Variants in NDUFAF2 observed in about 807,000 individuals in gnomAD.
NDUFAF2 encodes the protein NADH:ubiquinone oxidoreductase complex assembly factor 2, also known as NADH dehydrogenase [ubiquinone] 1 alpha subcomplex assembly factor 2.
Under a neutral mutation model 22.8 loss-of-function variants are expected in NDUFAF2, and 13 were observed. The observed-to-expected ratio is 0.57, with a 90% CI of 0.37 to 0.91. The LOEUF is 0.91. Among genes scored for constraint, NDUFAF2 ranks in the 40% least tolerant of loss-of-function variants. The pLI is 0.01. For missense variants in NDUFAF2, 162 were observed against 195.2 expected, an observed-to-expected ratio of 0.83 and a Z score of 1.01; for synonymous variants, 53 against 64.2, an observed-to-expected ratio of 0.83 and a Z score of 0.84.
intron 1 of NDUFAF2, among the ~76,000 whole-genome samples, chr5:60,986,256 A>G (rs545481999): frequency 6.6e-6 from 1 of 152,340 alleles, no homozygotes; most frequent in African/African-American, 2.4e-5. Context: ...GTGTCCATCA[A>G]GAGATGACTG....
intron 1 of NDUFAF2, among the ~76,000 whole-genome samples, chr5:61,023,066 T>G (rs1337947524): frequency 5.3e-5 from 8 of 152,192 alleles, no homozygotes; most frequent in Non-Finnish European, 8.8e-5. Context: ...GGCTCATCAG[T>G]TTTGGAAAAT....
chr5:61,047,169 A>T (rs997328238), intron 1 of NDUFAF2, among the ~76,000 whole-genome samples: 2 of 152,122 alleles, frequency 1.3e-5, no homozygotes, highest in African/African-American at 4.8e-5. Context: ...CTACTTTCCC[A>T]TCCCGAGAGT....
chr5:60,957,119 T>C (rs1750626868), intron 1 of NDUFAF2, among the ~76,000 whole-genome samples: 1 of 152,128 alleles, frequency 6.6e-6, no homozygotes, highest in East Asian at 1.9e-4. Context: ...TTTTACCTTT[T>C]GTTCTAACTT....
intron 1 of NDUFAF2, among the ~76,000 whole-genome samples, chr5:60,954,458 T>C (rs999390692): frequency 5.3e-5 from 8 of 152,204 alleles, no homozygotes; most frequent in Non-Finnish European, 8.8e-5. Context: ...TTTGCAAATG[T>C]TGAGTTTTTC....
At chr5:61,110,633 A>G (rs1752828396) in intron 3 of NDUFAF2, among the ~76,000 whole-genome samples, 1 of 151,928 alleles carries the variant, frequency 6.6e-6, no homozygotes, top group Non-Finnish European at 1.5e-5. Flanking sequence ...TAGCCTTCTT[A>G]TGATCTTTTG....
intron 1 of NDUFAF2, among the ~76,000 whole-genome samples, chr5:60,953,762 G>A (rs1399833320): frequency 6.6e-6 from 1 of 152,106 alleles, no homozygotes; most frequent in Non-Finnish European, 1.5e-5. Flanking sequence ...GTAGGCTTTG[G>A]TAAATGTTTT....
chr5:61,051,802 G>A (rs1194929403), intron 1 of NDUFAF2, among the ~76,000 whole-genome samples: 1 of 152,110 alleles, frequency 6.6e-6, no homozygotes, highest in South Asian at 2.1e-4. Flanking sequence ...AAGGAGGAAT[G>A]TAAAGTCAGG....
At chr5:60,965,691 G>T (rs956998543) in intron 1 of NDUFAF2, among the ~76,000 whole-genome samples, 2 of 152,018 alleles carry the variant, frequency 1.3e-5, no homozygotes, top group Non-Finnish European at 2.9e-5. Context: ...GTCATAAATG[G>T]CAGATTTCCC....
intron 3 of NDUFAF2, among the ~76,000 whole-genome samples, chr5:61,117,201 C>T (rs533339193): frequency 1.3e-5 from 2 of 152,246 alleles, no homozygotes; most frequent in South Asian, 4.1e-4. Flanking sequence ...GCAGAGCCTG[C>T]TTTGTAACTG....
chr5:61,112,108 A>G (rs1054414375), intron 3 of NDUFAF2, among the ~76,000 whole-genome samples: 1 of 151,750 alleles, frequency 6.6e-6, no homozygotes, highest in African/African-American at 2.4e-5. Context: ...TAATATTTGC[A>G]TTATATATGT....
chr5:61,025,611 C>T (rs991351284), intron 1 of NDUFAF2, among the ~76,000 whole-genome samples: 1 of 151,838 alleles, frequency 6.6e-6, no homozygotes, highest in African/African-American at 2.4e-5. Context: ...GGAATGCCTG[C>T]TCTGTTTTGA....
intron 1 of NDUFAF2, among the ~76,000 whole-genome samples, chr5:60,951,577 C>T (rs1750549435): frequency 2.0e-5 from 3 of 152,172 alleles, no homozygotes; most frequent in African/African-American, 7.2e-5. Context: ...GATGCATTAT[C>T]CTTTTTATAT....
intron 1 of NDUFAF2, among the ~76,000 whole-genome samples, chr5:60,971,287 T>C (rs1255188195): frequency 4.1e-5 from 1 of 24,368 alleles, no homozygotes; most frequent in African/African-American, 1.0e-4. Flanking sequence ...TCTTTCTTTC[T>C]TTTTTTTTTT....
chr5:61,056,919 AATAT>A (rs1174310851), intron 1 of NDUFAF2, among the ~76,000 whole-genome samples: 61 of 28,806 alleles, frequency 2.1e-3, no homozygotes, highest in African/African-American at 5.7e-3. Context: ...AAAAAAAAAA[AATAT>A]ATATATATAT....
At chr5:61,149,954 G>GA (rs1741203755) in intron 3 of NDUFAF2, among the ~76,000 whole-genome samples, 1 of 152,048 alleles carries the variant, frequency 6.6e-6, no homozygotes, top group South Asian at 2.1e-4. Flanking sequence ...ATTTGAGATG[G>GA]AGTCTTGCTC....
intron 1 of NDUFAF2, among the ~76,000 whole-genome samples, chr5:61,041,769 G>C (rs983168348): frequency 1.3e-5 from 2 of 152,154 alleles, no homozygotes; most frequent in Admixed American, 6.5e-5. Flanking sequence ...TTAGTTGGTA[G>C]GTGACATTTT....
intron 3 of NDUFAF2, among the ~76,000 whole-genome samples, chr5:61,117,706 CATATACAATGAT>C (rs1264118025): frequency 6.6e-6 from 1 of 151,882 alleles, no homozygotes; most frequent in African/African-American, 2.4e-5. Context: ...TTAAAAAGCA[CATATACAATGAT>C]ATGGATGAGC....
chr5:61,003,016 A>G (rs1278779027), intron 1 of NDUFAF2, among the ~76,000 whole-genome samples: 3 of 152,180 alleles, frequency 2.0e-5, no homozygotes, highest in Admixed American at 6.6e-5. Context: ...CTGTAGACCA[A>G]TAGAACATGA....
At chr5:61,019,351 T>C (rs569409157) in intron 1 of NDUFAF2, among the ~76,000 whole-genome samples, 1 of 152,206 alleles carries the variant, frequency 6.6e-6, no homozygotes, top group African/African-American at 2.4e-5. Context: ...GTATAAGTAT[T>C]AGCTGCTATT....
Sources: gnomAD v4.1 joint callset for allele counts (sites outside exome capture counted in the v4.1 genomes callset) on GRCh38, gnomAD v4.1.1 for gene constraint, MANE v1.5 for transcripts, NCBI Gene and HGNC (gene_info 2026-07-23, HGNC 2026-07-21) for gene names.